Variants in STOX2 observed in about 807,000 individuals in gnomAD.
STOX2 encodes the protein storkhead box 2, also known as storkhead-box protein 2.
A neutral mutation model predicts 60.9 loss-of-function variants in STOX2; 28 were observed. That is an observed-to-expected ratio of 0.46 (90% confidence interval 0.34 to 0.63). The LOEUF (loss-of-function observed/expected upper bound fraction) is 0.63, where lower values mean the gene tolerates loss of function less well. STOX2 is among the 30% of genes least tolerant of loss of function. The pLI, the probability that STOX2 is intolerant of heterozygous loss-of-function variation, is 0.01. For missense variants in STOX2, 1,024 were observed against 1,187.7 expected (o/e 0.86, Z 2.03); for synonymous variants, 472 against 463.9 (o/e 1.02, Z -0.22).
chr4:183,885,708 C>T (rs369824507), intron 1 of STOX2, among the ~76,000 whole-genome samples: 2 of 152,242 alleles, frequency 1.3e-5, no homozygotes, highest in Non-Finnish European at 1.5e-5. Context: ...CTTATATACA[C>T]TGGTGTTTAA....
chr4:183,798,788 A>C (rs1458000971), intron 1 of STOX2: 1 of 985,322 alleles, frequency 1.0e-6, no homozygotes, highest in Admixed American at 6.1e-5. Context: ...CCGCGTTTCC[A>C]GTGCTGCTTT....
At position 184,022,068 on chromosome 4, in the gene STOX2, CTG is replaced by C. The variant is rs950892520; in HGVS notation, c.*4786_*4787del. 1.6e-4 allele frequency: 25 copies of C among 152,144 alleles called. No individual in the cohort carries two copies. The highest frequency in any genetic ancestry group is 6.0e-4 in the African/African-American group (25 of 41,418). 9.4% of individuals were successfully genotyped at this position (152,144 alleles called of 1,614,324 possible). A position where few individuals can be genotyped will look rare whatever the true frequency, so the allele number is the denominator to read the frequency against. On this transcript the variant is annotated 3_prime_UTR_variant, in exon 4 of 4. Transcript: ENST00000308497. ...ATGAATGCAAAAGGCATGGAAAACACTGTTTTGCTTTGGGTTAGTAAAATGTG... is the reference window on the plus strand; with the variant it reads ...ATGAATGCAAAAGGCATGGAAAACACTTTTGCTTTGGGTTAGTAAAATGTG...
chr4:183,976,184 T>C (rs1164030911), intron 1 of STOX2, among the ~76,000 whole-genome samples: 1 of 152,114 alleles, frequency 6.6e-6, no homozygotes, highest in Non-Finnish European at 1.5e-5. Flanking sequence ...TGGTGGCACA[T>C]GCCTGTAGTC....
intron 1 of STOX2, among the ~76,000 whole-genome samples, chr4:183,944,646 G>A (rs1028300582): frequency 3.3e-5 from 5 of 152,266 alleles, no homozygotes; most frequent in African/African-American, 7.2e-5. Context: ...CCCAGGAGGC[G>A]GAGGTTGCAG....
chr4:183,882,638 G>A (rs1425473977), intron 1 of STOX2, among the ~76,000 whole-genome samples: 4 of 152,210 alleles, frequency 2.6e-5, no homozygotes, highest in Non-Finnish European at 5.9e-5. Flanking sequence ...TGTAGCAGCT[G>A]TTAGGATTTA....
intron 1 of STOX2, among the ~76,000 whole-genome samples, chr4:183,925,244 A>G (rs1742207551): frequency 6.6e-6 from 1 of 152,206 alleles, no homozygotes; most frequent in African/African-American, 2.4e-5. Context: ...AATCTTCTGA[A>G]TGGTTCTCTA....
intron 1 of STOX2, among the ~76,000 whole-genome samples, chr4:183,980,723 G>T (rs1732632239): frequency 6.6e-6 from 1 of 151,246 alleles, no homozygotes; most frequent in African/African-American, 2.4e-5. Flanking sequence ...GAAGTATGGT[G>T]ATACTTTCTT....
chr4:183,906,544 G>C lies in STOX2; in HGVS notation c.-247G>C. 4.0e-6 allele frequency: 1 copy of C among 252,492 alleles called. No homozygotes were observed. Among genetic ancestry groups the C allele is most frequent in the Non-Finnish European group, 7.5e-6 (1 of 133,434 alleles). 15.6% of individuals were successfully genotyped at this position (252,492 alleles called of 1,614,324 possible). ...CCCAGGAATCTGGAAGCTATAAGCC[G>C]GGCGGATTGCAAATGAAGTGTAATG... On this transcript the variant is annotated 5_prime_UTR_variant, in exon 1 of 4. Coordinates refer to ENST00000308497, the MANE Select transcript of STOX2 (RefSeq NM_020225.3).
Position 184,010,362 on chromosome 4 carries a change from G to T in STOX2, c.1524G>T (p.Thr508=). The T allele has an allele frequency of 6.2e-7, 1 of 1,611,948 alleles. No homozygotes were observed. Among genetic ancestry groups the T allele is most frequent in the Non-Finnish European group, 8.5e-7 (1 of 1,179,036 alleles). Residue 508 remains threonine, a synonymous_variant, in exon 3 of 4, where the codon ACG becomes ACT. Transcript: ENST00000308497. The surrounding 1 kb of genome is among the most constrained non-coding windows in gnomAD (Gnocchi z 4.5). ...KGPLGASSLG[T]PEDLAEGCSQ... Reference sequence around the variant, plus strand: ...CTCTGGGTGCTTCTTCTCTAGGGACGCCGGAAGACCTTGCTGAAGGCTGCA... The same window carrying T: ...CTCTGGGTGCTTCTTCTCTAGGGACTCCGGAAGACCTTGCTGAAGGCTGCA...
chr4:184,018,774 C>T lies in STOX2; in HGVS notation c.*1490C>T, dbSNP rs1007169256. The T allele has an allele frequency of 3.3e-5, 5 of 152,162 alleles. No individual in the cohort carries two copies. Among genetic ancestry groups the T allele is most frequent in the Admixed American group, 1.3e-4 (2 of 15,272 alleles). 9.4% of individuals were successfully genotyped at this position (152,162 alleles called of 1,614,324 possible). A position where few individuals can be genotyped will look rare whatever the true frequency, so the allele number is the denominator to read the frequency against. The stretch of plus-strand genomic sequence containing the variant: ...TATAGCAAGGAGACATTCCAACGTT[C>T]CCATGTTTTATTTTCTGAGAACAGT... On this transcript the variant is annotated 3_prime_UTR_variant, in exon 4 of 4. Transcript: ENST00000308497.
intron 1 of STOX2, among the ~76,000 whole-genome samples, chr4:183,927,864 C>G (rs965537710): frequency 6.6e-6 from 1 of 152,142 alleles, no homozygotes; most frequent in African/African-American, 2.4e-5. Flanking sequence ...CCCTGTTTCT[C>G]CACTTGCAGG....
intron 1 of STOX2, among the ~76,000 whole-genome samples, chr4:183,830,655 A>G (rs1739544978): frequency 6.6e-6 from 1 of 152,186 alleles, no homozygotes. Context: ...GATATAGGGT[A>G]TATCTGTTGG....
intron 2 of STOX2, among the ~76,000 whole-genome samples, chr4:184,007,435 C>T (rs1238310414): frequency 6.6e-6 from 1 of 152,198 alleles, no homozygotes; most frequent in East Asian, 1.9e-4. Flanking sequence ...TGGAGACTAA[C>T]TCCCAGCTAA....
At chr4:183,862,215 A>G (rs1300263974) in intron 1 of STOX2, among the ~76,000 whole-genome samples, 1 of 152,150 alleles carries the variant, frequency 6.6e-6, no homozygotes, top group Non-Finnish European at 1.5e-5. Context: ...TCACTCTGTC[A>G]CCCAGGCTGG....
intron 1 of STOX2, among the ~76,000 whole-genome samples, chr4:183,983,085 A>G (rs1026575000): frequency 6.6e-6 from 1 of 152,046 alleles, no homozygotes; most frequent in Non-Finnish European, 1.5e-5. Context: ...ACCACCAGCC[A>G]TTCTCCAAAA....
At chr4:183,952,969 A>G (rs1272925065) in intron 1 of STOX2, among the ~76,000 whole-genome samples, 1 of 152,198 alleles carries the variant, frequency 6.6e-6, no homozygotes, top group Non-Finnish European at 1.5e-5. Context: ...GTTCTCACTC[A>G]TAAGTGGGAG....
At chr4:183,986,682 G>A (rs1013396828) in intron 1 of STOX2, among the ~76,000 whole-genome samples, 1 of 152,232 alleles carries the variant, frequency 6.6e-6, no homozygotes, top group Non-Finnish European at 1.5e-5. Context: ...GCGCAGAAGC[G>A]GGTTATACGT....
chr4:183,981,778 A>G (rs1333169879), intron 1 of STOX2, among the ~76,000 whole-genome samples: 2 of 152,218 alleles, frequency 1.3e-5, no homozygotes, highest in African/African-American at 2.4e-5. Flanking sequence ...TTTTATCCAA[A>G]GTGCACCTGC....
intron 1 of STOX2, among the ~76,000 whole-genome samples, chr4:183,956,684 G>A (rs1325656259): frequency 1.3e-5 from 2 of 151,976 alleles, no homozygotes; most frequent in Admixed American, 1.3e-4. Flanking sequence ...TAACATTCAC[G>A]TTTTTTCTGT....
Sources: allele counts gnomAD v4.1 joint callset (sites outside exome capture counted in the v4.1 genomes callset), GRCh38; gene constraint gnomAD v4.1.1; non-coding constraint Gnocchi (gnomAD v3.1); transcripts MANE v1.5; gene names NCBI Gene and HGNC (gene_info 2026-07-23, HGNC 2026-07-21).